MTHFD2L: variants seen among roughly 807,000 people sequenced by gnomAD.
The protein encoded by MTHFD2L is methylenetetrahydrofolate dehydrogenase (NADP+ dependent) 2 like.
In MTHFD2L, 29 loss-of-function variants were observed where a neutral mutation model predicts 34.9. The observed-to-expected ratio is 0.83, with a 90% CI of 0.62 to 1.13. The LOEUF is 1.13. MTHFD2L is among the 50% of genes most tolerant of loss of function. The pLI is 0.00. For synonymous variants in MTHFD2L, 167 were observed against 155.7 expected (o/e 1.07, Z -0.54); for missense variants, 481 against 446.5 (o/e 1.08, Z -0.70).
chr4:74,185,795 C>T (rs1240681620), intron 3 of MTHFD2L, among the ~76,000 whole-genome samples: 1 of 152,162 alleles, frequency 6.6e-6, no homozygotes, highest in African/African-American at 2.4e-5. Flanking sequence ...AATGAAAGCT[C>T]TATGTCCAGA....
upstream of MTHFD2L, among the ~76,000 whole-genome samples, chr4:74,156,145 A>T (rs1446369163): frequency 8.5e-5 from 13 of 152,120 alleles, no homozygotes; most frequent in Non-Finnish European, 2.9e-5. Context: ...GTAGGTTTTG[A>T]CAAATGCATA....
intron 6 of MTHFD2L, among the ~76,000 whole-genome samples, chr4:74,275,315 A>G (rs769640111): frequency 1.2e-4 from 18 of 151,980 alleles, no homozygotes; most frequent in Non-Finnish European, 2.6e-4. Flanking sequence ...CACAGTGTAT[A>G]TTTACCACAT....
chr4:74,182,286 A>G (rs1268318828), intron 3 of MTHFD2L, among the ~76,000 whole-genome samples: 4 of 152,158 alleles, frequency 2.6e-5, no homozygotes, highest in Non-Finnish European at 4.4e-5. Context: ...GTAGTTTTTC[A>G]GCACCACTTT....
At chr4:74,209,377 A>T (rs1048029763) in intron 5 of MTHFD2L, among the ~76,000 whole-genome samples, 3 of 151,906 alleles carry the variant, frequency 2.0e-5, no homozygotes, top group African/African-American at 7.3e-5. Context: ...GGTGTGTGTG[A>T]TGTTCCCCTC....
In MTHFD2L at chr4:74,219,498, T is replaced by C. The variant is rs911934195; in HGVS notation, c.713-5804T>C. Among the ~76,000 whole-genome samples, 3 of 152,008 alleles carry C rather than the reference T, an allele frequency of 2.0e-5. No homozygotes were observed. The South Asian group carries it at 6.2e-4, about 32-fold the overall frequency. On this transcript the variant is annotated intron_variant, in intron 5 of 7. Coordinates refer to ENST00000325278, the MANE Select transcript of MTHFD2L (RefSeq NM_001144978.3). ...AAAAGCTGAGAAGACAGAAAAAAAT[T>C]AGGTGCAGCAAGCCAGAGGATTAGT...
chr4:74,155,268 C>G (rs1184648060), upstream of MTHFD2L, among the ~76,000 whole-genome samples: 1 of 152,120 alleles, frequency 6.6e-6, no homozygotes, highest in South Asian at 2.1e-4. Context: ...AACCTTCATT[C>G]CTTCCTGGAA....
intron 7 of MTHFD2L, chr4:74,288,565 C>T (rs1175536036): frequency 6.6e-6 from 1 of 152,186 alleles, no homozygotes; most frequent in East Asian, 1.9e-4. Context: ...ACATATCATT[C>T]AGCTTACCTA....
intron 2 of MTHFD2L, among the ~76,000 whole-genome samples, chr4:74,115,938 C>G (rs932924958): frequency 1.3e-5 from 2 of 151,508 alleles, no homozygotes; most frequent in African/African-American, 2.4e-5. Context: ...CATGATCATT[C>G]CAATCAAATA....
At chr4:74,223,404 G>A (rs13142241) in intron 5 of MTHFD2L, among the ~76,000 whole-genome samples, 100,782 of 151,810 alleles carry the variant, frequency 0.66, 35,073 homozygotes, top group Middle Eastern at 0.79. Flanking sequence ...CTTATAAGTA[G>A]GAGCTAAATG....
intron 7 of MTHFD2L, among the ~76,000 whole-genome samples, chr4:74,289,764 A>G (rs551503668): frequency 2.6e-5 from 4 of 152,296 alleles, no homozygotes; most frequent in African/African-American, 4.8e-5. Context: ...TGATTGGTTA[A>G]ACAAGTAGAT....
chr4:74,190,520 C>T, intron 3 of MTHFD2L: 3 of 985,350 alleles, frequency 3.0e-6, no homozygotes, highest in Non-Finnish European at 3.6e-6. Flanking sequence ...CTAGAGAACT[C>T]CTTCCAGTCT....
At chr4:74,239,364 A>G (rs904234953) in intron 6 of MTHFD2L, among the ~76,000 whole-genome samples, 1 of 152,098 alleles carries the variant, frequency 6.6e-6, no homozygotes. Context: ...GAGAGATAGC[A>G]TTAGGAGATA....
intron 1 of MTHFD2L, among the ~76,000 whole-genome samples, chr4:74,126,127 T>C (rs1197474111): frequency 6.6e-6 from 1 of 152,198 alleles, no homozygotes; most frequent in Non-Finnish European, 1.5e-5. Context: ...TAAAGCAGTG[T>C]ACTGTAAGTC....
At chr4:74,160,139 A>G (rs996471264) in intron 1 of MTHFD2L, 12 of 1,226,666 alleles carry the variant, frequency 9.8e-6, no homozygotes, top group Non-Finnish European at 1.2e-5. Context: ...CATCTTTTTT[A>G]TATATATAAT....
intron 6 of MTHFD2L, among the ~76,000 whole-genome samples, chr4:74,275,829 T>G (rs534454724): frequency 6.6e-6 from 1 of 152,156 alleles, no homozygotes; most frequent in African/African-American, 2.4e-5. Context: ...TTAAAATTCC[T>G]TGTAAATTCT....
intron 2 of MTHFD2L, among the ~76,000 whole-genome samples, chr4:74,117,297 A>G (rs1343042671): frequency 6.6e-6 from 1 of 152,190 alleles, no homozygotes; most frequent in African/African-American, 2.4e-5. Flanking sequence ...AAAGACTAAC[A>G]CTGTTTAGCA....
chr4:74,158,164 C>A lies in MTHFD2L; in HGVS notation c.26C>A (p.Ser9Ter). 2 of 1,528,752 alleles carry A rather than the reference C, an allele frequency of 1.3e-6. No individual in the cohort carries two copies. The highest frequency in any genetic ancestry group is 1.2e-5 in the South Asian group (1 of 81,510). The allele number at this position is 1,528,752 out of a possible 1,614,324, so 94.7% of individuals were successfully genotyped here. A position where few individuals can be genotyped will look rare whatever the true frequency, so the allele number is the denominator to read the frequency against. MTVPVRGF[S>*]LLRGRLGRAP... Reference sequence around the variant, plus strand: ...ATGACGGTGCCGGTCCGCGGCTTCTCGCTGCTCCGCGGCCGCCTTGGCCGA... The same window carrying A: ...ATGACGGTGCCGGTCCGCGGCTTCTAGCTGCTCCGCGGCCGCCTTGGCCGA... Residue 9 changes from serine (S) to a stop codon, truncating the protein, a stop_gained, in exon 1 of 8, where the codon TCG becomes TAG. Transcript: ENST00000325278. LOFTEE classifies it high-confidence loss of function.
chr4:74,222,520 G>A (rs577537333), intron 5 of MTHFD2L, among the ~76,000 whole-genome samples: 1 of 152,020 alleles, frequency 6.6e-6, no homozygotes, highest in Non-Finnish European at 1.5e-5. Context: ...CCTGTTAAAG[G>A]TTCCACCTCT....
chr4:74,188,802 A>G (rs1043710886), intron 3 of MTHFD2L, among the ~76,000 whole-genome samples: 6 of 150,010 alleles, frequency 4.0e-5, no homozygotes, highest in Admixed American at 6.7e-5. Context: ...GTATATATAT[A>G]TGTGTATACA....
Sources: allele counts gnomAD v4.1 joint callset (sites outside exome capture counted in the v4.1 genomes callset), GRCh38; gene constraint gnomAD v4.1.1; transcripts MANE v1.5; gene names NCBI Gene and HGNC (gene_info 2026-07-23, HGNC 2026-07-21).